LRFN5: variants seen among roughly 807,000 people sequenced by gnomAD.
LRFN5 encodes leucine rich repeat and fibronectin type III domain containing 5.
LRFN5 carries 24 observed loss-of-function variants against 45.6 expected under a neutral mutation model. The observed-to-expected ratio is 0.53, with a 90% CI of 0.38 to 0.74. LRFN5 has a LOEUF of 0.74. Among genes scored for constraint, LRFN5 ranks in the 30% least tolerant of loss-of-function variants. The pLI, the probability that LRFN5 is intolerant of heterozygous loss-of-function variation, is 0.00. For missense variants in LRFN5, 776 were observed against 861.5 expected (o/e 0.90, Z 1.24); for synonymous variants, 340 against 313.8 (o/e 1.08, Z -0.88).
At chr14:41,827,692 A>G (rs759258177) in intron 2 of LRFN5, among the ~76,000 whole-genome samples, 2 of 152,064 alleles carry the variant, frequency 1.3e-5, no homozygotes, top group Non-Finnish European at 2.9e-5. Flanking sequence ...CAATTAAAGC[A>G]AAATTAATTA....
At chr14:41,880,749 T>C (rs1343944642) in intron 2 of LRFN5, among the ~76,000 whole-genome samples, 1 of 152,170 alleles carries the variant, frequency 6.6e-6, no homozygotes, top group East Asian at 1.9e-4. Context: ...ATTGTAACTG[T>C]GGATTTAAAA....
intron 2 of LRFN5, among the ~76,000 whole-genome samples, chr14:41,856,516 G>C (rs377376889): frequency 6.6e-6 from 1 of 151,720 alleles, no homozygotes; most frequent in Non-Finnish European, 1.5e-5. Context: ...AACTTATGGG[G>C]TGTGTTCACC....
intron 2 of LRFN5, among the ~76,000 whole-genome samples, chr14:41,876,950 C>T (rs371114394): frequency 1.1e-4 from 17 of 152,130 alleles, no homozygotes; most frequent in Admixed American, 7.9e-4. Context: ...AGAAAATAAA[C>T]GAGTAAATGA....
At chr14:41,648,839 A>G (rs1879946572) in intron 1 of LRFN5, among the ~76,000 whole-genome samples, 1 of 152,136 alleles carries the variant, frequency 6.6e-6, no homozygotes, top group Non-Finnish European at 1.5e-5. Context: ...AATTGAAATT[A>G]TTAATCATAA....
intron 1 of LRFN5, among the ~76,000 whole-genome samples, chr14:41,674,394 C>T (rs1201576391): frequency 8.2e-5 from 11 of 134,596 alleles, no homozygotes; most frequent in East Asian, 2.3e-4. Flanking sequence ...CCCCCACCTC[C>T]CTCCCGGACG....
At chr14:41,630,600 G>C (rs1004232767) in intron 1 of LRFN5, among the ~76,000 whole-genome samples, 1 of 151,986 alleles carries the variant, frequency 6.6e-6, no homozygotes, top group Non-Finnish European at 1.5e-5. Flanking sequence ...ATGAAACATT[G>C]AGTAGAATTT....
At chr14:41,625,055 A>G (rs1255733205) in intron 1 of LRFN5, among the ~76,000 whole-genome samples, 1 of 152,122 alleles carries the variant, frequency 6.6e-6, no homozygotes, top group East Asian at 1.9e-4. Flanking sequence ...ATATTTTTCT[A>G]AGATACAGAT....
intron 1 of LRFN5, among the ~76,000 whole-genome samples, chr14:41,724,945 T>A (rs1273731627): frequency 6.6e-6 from 1 of 152,194 alleles, no homozygotes; most frequent in African/African-American, 2.4e-5. Flanking sequence ...TTCCCTTATT[T>A]TTTGTCCATT....
At chr14:41,894,328 C>G in intron 4 of LRFN5, 1 of 898,788 alleles carries the variant, frequency 1.1e-6, no homozygotes, top group South Asian at 5.2e-5. Flanking sequence ...TCTTTCATTT[C>G]TCATAGACAT....
chr14:41,671,617 G>GTTGTTT (rs1881224789), intron 1 of LRFN5, among the ~76,000 whole-genome samples: 1 of 78,020 alleles, frequency 1.3e-5, no homozygotes, highest in African/African-American at 5.4e-5. Flanking sequence ...TTTTTTTTTC[G>GTTGTTT]TTTTTTTTTT....
intron 1 of LRFN5, among the ~76,000 whole-genome samples, chr14:41,633,420 G>T (rs548247787): frequency 6.6e-6 from 1 of 151,946 alleles, no homozygotes; most frequent in Non-Finnish European, 1.5e-5. Flanking sequence ...TTAATTTCTT[G>T]TCACTTACTT....
At chr14:41,723,491 G>A (rs1245629364) in intron 1 of LRFN5, among the ~76,000 whole-genome samples, 1 of 152,150 alleles carries the variant, frequency 6.6e-6, no homozygotes, top group Admixed American at 6.5e-5. Flanking sequence ...GGATGGGACA[G>A]CTCAGGCTGC....
At chr14:41,727,011 T>C (rs992975654) in intron 1 of LRFN5, among the ~76,000 whole-genome samples, 17 of 152,194 alleles carry the variant, frequency 1.1e-4, no homozygotes, top group Non-Finnish European at 2.4e-4. Flanking sequence ...GGTCATAACA[T>C]CTTGGTGTTT....
At chr14:41,713,072 G>T (rs1883351263) in intron 1 of LRFN5, among the ~76,000 whole-genome samples, 2 of 152,112 alleles carry the variant, frequency 1.3e-5, no homozygotes, top group Admixed American at 6.6e-5. Flanking sequence ...AATCTATGCA[G>T]ATATGAAAAC....
intron 1 of LRFN5, among the ~76,000 whole-genome samples, chr14:41,634,586 G>C (rs1186893831): frequency 6.6e-6 from 1 of 152,106 alleles, no homozygotes; most frequent in East Asian, 1.9e-4. Flanking sequence ...ACACCATCTG[G>C]ATAGACATAG....
Position 41,901,432 on chromosome 14 carries a change from TTGTGTGTGTG to T in LRFN5, c.2142+2498_2142+2507del, listed in dbSNP as rs3032306. 3.6e-3 allele frequency among the ~76,000 whole-genome samples: 540 copies of T among 148,032 alleles called. 6 individuals are homozygous for T. The highest frequency in any genetic ancestry group is 0.013 in the African/African-American group (519 of 40,412). The stretch of plus-strand genomic sequence containing the variant: ...TTCTGACCAATAAAATATGTATGCA[TTGTGTGTGTG>T]TGTGTGTGTGTGTGTGTGTGTGTGT... On this transcript the variant is annotated intron_variant, in intron 5 of 5. Transcript: ENST00000298119.
chr14:41,623,252 C>T (rs1205286455), intron 1 of LRFN5, among the ~76,000 whole-genome samples: 1 of 152,060 alleles, frequency 6.6e-6, no homozygotes, highest in African/African-American at 2.4e-5. Flanking sequence ...GACTTTGTGT[C>T]CCCACCCGAA....
chr14:41,692,256 TC>T (rs774256748), intron 1 of LRFN5, among the ~76,000 whole-genome samples: 13 of 152,126 alleles, frequency 8.5e-5, no homozygotes, highest in Non-Finnish European at 1.3e-4. Context: ...TCATTATTTT[TC>T]TTTAAATTTT....
At chr14:41,759,199 C>T (rs1885541661) in intron 1 of LRFN5, among the ~76,000 whole-genome samples, 1 of 152,116 alleles carries the variant, frequency 6.6e-6, no homozygotes, top group South Asian at 2.1e-4. Flanking sequence ...AGGTGCTTCT[C>T]GTGCTTGTAG....
Sources: allele counts gnomAD v4.1 joint callset (sites outside exome capture counted in the v4.1 genomes callset), GRCh38; gene constraint gnomAD v4.1.1; transcripts MANE v1.5; gene names NCBI Gene and HGNC (gene_info 2026-07-23, HGNC 2026-07-21).